The following PPP1CB variants were observed in gnomAD, a reference collection of about 807,000 sequenced individuals.
PPP1CB encodes the protein serine/threonine-protein phosphatase PP1-beta catalytic subunit.
Under a neutral mutation model 43.7 loss-of-function variants are expected in PPP1CB, and 2 were observed. The observed-to-expected ratio is 0.05, with a 90% CI of 0.02 to 0.14. The LOEUF (loss-of-function observed/expected upper bound fraction) is 0.14, where lower values mean the gene tolerates loss of function less well. PPP1CB is among the 10% of genes least tolerant of loss of function. The probability of loss-of-function intolerance (pLI) is 1.00; values close to 1 mark genes in which losing one functional copy is unlikely to be tolerated. For missense variants in PPP1CB, 84 were observed against 398.0 expected (o/e 0.21, Z 6.71); for synonymous variants, 136 against 135.6 (o/e 1.00, Z -0.02).
At chr2:28,776,302 G>T (rs1424459458) in intron 1 of PPP1CB, among the ~76,000 whole-genome samples, 2 of 150,976 alleles carry the variant, frequency 1.3e-5, no homozygotes, top group Admixed American at 6.6e-5. Flanking sequence ...CGCTCTTGTT[G>T]CCCAGGCTGG....
chr2:28,772,520 C>T (rs759212025), intron 1 of PPP1CB, among the ~76,000 whole-genome samples: 2 of 152,108 alleles, frequency 1.3e-5, no homozygotes, highest in Admixed American at 6.6e-5. Context: ...TAAACTGACC[C>T]GAGCAGTTCT....
intron 1 of PPP1CB, among the ~76,000 whole-genome samples, chr2:28,768,479 A>G (rs983862438): frequency 4.6e-5 from 7 of 152,206 alleles, no homozygotes; most frequent in African/African-American, 1.4e-4. Context: ...CTGAAAAGCT[A>G]AAGATCTGAG....
intron 1 of PPP1CB, among the ~76,000 whole-genome samples, chr2:28,772,115 G>A (rs116412023): frequency 0.014 from 2,077 of 152,148 alleles, 46 homozygotes; most frequent in African/African-American, 0.046. Context: ...TTAGGAGTTC[G>A]AGATGAGCCT....
intron 5 of PPP1CB, among the ~76,000 whole-genome samples, chr2:28,784,931 A>AAAG (rs1553311209): frequency 1.7e-5 from 2 of 119,292 alleles, no homozygotes; most frequent in Non-Finnish European, 3.6e-5. Flanking sequence ...AAAAAAAAAA[A>AAAG]AAAGAAAAAA....
intron 6 of PPP1CB, among the ~76,000 whole-genome samples, chr2:28,790,150 T>C (rs1667357028): frequency 6.6e-6 from 1 of 151,964 alleles, no homozygotes; most frequent in Admixed American, 6.6e-5. Flanking sequence ...TGTGGTGGTG[T>C]GCACCTGTAG....
intron 5 of PPP1CB, among the ~76,000 whole-genome samples, chr2:28,787,370 A>G (rs1173019664): frequency 6.6e-6 from 1 of 152,138 alleles, no homozygotes; most frequent in Non-Finnish European, 1.5e-5. Flanking sequence ...GAGGCAGGAG[A>G]ATGGCGTGAA....
At position 28,783,891 on chromosome 2, in the gene PPP1CB, A is replaced by C. The variant is rs757062477; in HGVS notation, c.521-16A>C. The C allele has an allele frequency of 1.3e-6, 2 of 1,597,070 alleles. No homozygotes were observed. The highest frequency in any genetic ancestry group is 1.7e-6 in the Non-Finnish European group (2 of 1,165,052). ...TTTTTAGCTGTTAGTACTATGTCTCATCTTTTTATTTATAGGATTGTCACC... is the reference window on the plus strand; with the variant it reads ...TTTTTAGCTGTTAGTACTATGTCTCCTCTTTTTATTTATAGGATTGTCACC... On this transcript the variant is annotated splice_polypyrimidine_tract_variant and intron_variant, in intron 4 of 7. Transcript: ENST00000395366.
chr2:28,752,163 C>A lies in PPP1CB; in HGVS notation c.39C>A (p.Thr13=). 1 of 1,547,900 alleles carries A rather than the reference C, an allele frequency of 6.5e-7. No homozygotes were observed. Among genetic ancestry groups the A allele is most frequent in the South Asian group, 1.2e-5 (1 of 84,026 alleles). ...DGELNVDSLI[T]RLLEVRGCRP... Reference sequence around the variant, plus strand: ...AGCTGAACGTGGACAGCCTCATCACCCGGCTGCTGGAGGGTGAGTGCGCGC... The same window carrying A: ...AGCTGAACGTGGACAGCCTCATCACACGGCTGCTGGAGGGTGAGTGCGCGC... Residue 13 remains threonine, a synonymous_variant, in exon 1 of 8, where the codon ACC becomes ACA. Transcript: ENST00000395366.
Position 28,751,949 on chromosome 2 carries a change from G to A in PPP1CB, c.-176G>A. ...CGTGGGTGCCTCCGAGTGTGCGCGCGCTCTCGCTACCCGGCGGGGAGGGGG... is the reference window on the plus strand; with the variant it reads ...CGTGGGTGCCTCCGAGTGTGCGCGCACTCTCGCTACCCGGCGGGGAGGGGG... On this transcript the variant is annotated 5_prime_UTR_variant, in exon 1 of 8. Coordinates refer to ENST00000395366, the MANE Select transcript of PPP1CB (RefSeq NM_002709.3). The A allele has an allele frequency of 1.5e-6, 1 of 657,888 alleles. No homozygotes were observed. 40.8% of individuals were successfully genotyped at this position (657,888 alleles called of 1,614,324 possible).
At chr2:28,795,697 G>A (rs1333108712) in intron 7 of PPP1CB, among the ~76,000 whole-genome samples, 1 of 152,028 alleles carries the variant, frequency 6.6e-6, no homozygotes, top group Non-Finnish European at 1.5e-5. Context: ...CTGGATATTA[G>A]ACCTTTGTTG....
At chr2:28,759,855 G>A (rs1449737917) in intron 1 of PPP1CB, among the ~76,000 whole-genome samples, 1 of 152,132 alleles carries the variant, frequency 6.6e-6, no homozygotes, top group Non-Finnish European at 1.5e-5. Flanking sequence ...CCGACCTCAG[G>A]TGATCCGCCT....
At chr2:28,786,761 C>T (rs62129845) in intron 5 of PPP1CB, among the ~76,000 whole-genome samples, 43 of 109,576 alleles carry the variant, frequency 3.9e-4, no homozygotes, top group Admixed American at 8.7e-4. Context: ...GGTAACAGAG[C>T]GAGACTCCGT....
chr2:28,773,069 A>C (rs1041967646), intron 1 of PPP1CB, among the ~76,000 whole-genome samples: 6 of 152,198 alleles, frequency 3.9e-5, no homozygotes, highest in African/African-American at 1.4e-4. Flanking sequence ...TTAGGGTACA[A>C]GGGAATCTTC....
chr2:28,784,932 AAAG>A (rs1372416460), intron 5 of PPP1CB, among the ~76,000 whole-genome samples: 2 of 119,092 alleles, frequency 1.7e-5, no homozygotes, highest in Non-Finnish European at 3.6e-5. Context: ...AAAAAAAAAA[AAAG>A]AAAAAAGAAA....
At position 28,800,783 on chromosome 2, in the gene PPP1CB, T is replaced by C. The variant is rs1667597738; in HGVS notation, c.*1480T>C. On this transcript the variant is annotated 3_prime_UTR_variant, in exon 8 of 8. Coordinates refer to ENST00000395366, the MANE Select transcript of PPP1CB (RefSeq NM_002709.3). ...TTCATAGGGATGGACATCATATCTA[T>C]AATGCCCTTCTATATGTGCTACCAT... The C allele has an allele frequency of 6.6e-6, 1 of 152,534 alleles. No homozygotes were observed. The highest frequency in any genetic ancestry group is 2.4e-5 in the African/African-American group (1 of 41,468). The allele number at this position is 152,534 out of a possible 1,614,324, so 9.4% of individuals were successfully genotyped here. A position where few individuals can be genotyped will look rare whatever the true frequency, so the allele number is the denominator to read the frequency against.
intron 2 of PPP1CB, among the ~76,000 whole-genome samples, chr2:28,777,874 G>A (rs7594613): frequency 0.036 from 5,556 of 152,274 alleles, 361 homozygotes; most frequent in African/African-American, 0.13. Context: ...GGCTGGTTCT[G>A]AATTCCTGAC....
At chr2:28,757,131 A>G (rs1342480833) in intron 1 of PPP1CB, among the ~76,000 whole-genome samples, 1 of 152,186 alleles carries the variant, frequency 6.6e-6, no homozygotes, top group Non-Finnish European at 1.5e-5. Context: ...TGCAAGTGAA[A>G]TCATACAATA....
intron 5 of PPP1CB, among the ~76,000 whole-genome samples, chr2:28,786,580 C>T (rs915906178): frequency 5.9e-5 from 9 of 151,750 alleles, no homozygotes; most frequent in Non-Finnish European, 1.3e-4. Context: ...TTCTTGAGAT[C>T]GAGACCATCC....
chr2:28,753,110 C>T (rs1487608754), intron 1 of PPP1CB, among the ~76,000 whole-genome samples: 2 of 152,194 alleles, frequency 1.3e-5, no homozygotes, highest in African/African-American at 2.4e-5. Flanking sequence ...AAGTTAAATG[C>T]AGTCTTCTGC....
Sources: allele counts gnomAD v4.1 joint callset (sites outside exome capture counted in the v4.1 genomes callset), GRCh38; gene constraint gnomAD v4.1.1; transcripts MANE v1.5; gene names NCBI Gene and HGNC (gene_info 2026-07-23, HGNC 2026-07-21).